The following HHAT variants were observed in gnomAD, a reference collection of about 807,000 sequenced individuals.
The protein encoded by HHAT is hedgehog acyltransferase.
A neutral mutation model predicts 70.8 loss-of-function variants in HHAT; 47 were observed. The ratio of observed to expected loss-of-function variants is 0.66; its 90% CI spans 0.53 to 0.85. The LOEUF is 0.85. Among genes scored for constraint, HHAT ranks in the 40% least tolerant of loss-of-function variants. The probability of loss-of-function intolerance (pLI) is 0.00; values close to 1 mark genes in which losing one functional copy is unlikely to be tolerated. For missense variants in HHAT, 609 were observed against 604.8 expected, an observed-to-expected ratio of 1.01 and a Z score of -0.07; for synonymous variants, 228 against 247.6, an observed-to-expected ratio of 0.92 and a Z score of 0.74.
intron 9 of HHAT, among the ~76,000 whole-genome samples, chr1:210,573,505 G>A (rs1490659761): frequency 6.6e-6 from 1 of 152,192 alleles, no homozygotes; most frequent in Admixed American, 6.5e-5. Flanking sequence ...AATACTGACA[G>A]GCCCAGCCAT....
At chr1:210,482,804 C>T (rs2094417457) in intron 8 of HHAT, among the ~76,000 whole-genome samples, 1 of 152,162 alleles carries the variant, frequency 6.6e-6, no homozygotes, top group African/African-American at 2.4e-5. Context: ...AGGTTGATAC[C>T]TCTTTAAGAT....
At chr1:210,349,674 C>T (rs2147974488) in intron 2 of HHAT, among the ~76,000 whole-genome samples, 1 of 132,004 alleles carries the variant, frequency 7.6e-6, no homozygotes, top group Non-Finnish European at 1.6e-5. Context: ...TTTTTTGAGA[C>T]CTAGTTTCGC....
At chr1:210,646,886 A>T (rs1248749511) in intron 11 of HHAT, among the ~76,000 whole-genome samples, 1 of 152,228 alleles carries the variant, frequency 6.6e-6, no homozygotes, top group African/African-American at 2.4e-5. Flanking sequence ...TAATTTGTTC[A>T]TTATTTTAAA....
chr1:210,456,871 TGTCCCTGGTACCTCTCC>T (rs957733809), intron 7 of HHAT, among the ~76,000 whole-genome samples: 1 of 152,056 alleles, frequency 6.6e-6, no homozygotes, highest in African/African-American at 2.4e-5. Context: ...TCACGTGAGG[TGTCCCTGGTACCTCTCC>T]CCCACACGCT....
intron 9 of HHAT, among the ~76,000 whole-genome samples, chr1:210,546,748 T>C (rs76576586): frequency 0.072 from 10,939 of 152,176 alleles, 729 homozygotes; most frequent in East Asian, 0.3. Flanking sequence ...GTGGTTGCAG[T>C]GACCTGGGCT....
At chr1:210,662,113 T>C (rs973200795) in intron 11 of HHAT, among the ~76,000 whole-genome samples, 1 of 152,242 alleles carries the variant, frequency 6.6e-6, no homozygotes, top group African/African-American at 2.4e-5. Context: ...CTGTCTCTGT[T>C]ATCTTTGTTG....
chr1:210,507,355 TTTTC>T (rs1432285242), intron 8 of HHAT, among the ~76,000 whole-genome samples: 19 of 145,746 alleles, frequency 1.3e-4, no homozygotes, highest in Admixed American at 5.5e-4. Context: ...CATTTTTCTT[TTTTC>T]TTTTTTTTTT....
In HHAT at chr1:210,338,183, T is replaced by TA. The variant is rs2085682249; in HGVS notation, c.-44+9079_-44+9080insA. Among the ~76,000 whole-genome samples, 7 of 99,276 alleles carry TA rather than the reference T, an allele frequency of 7.1e-5. No individual in the cohort carries two copies. The South Asian group carries it at 2.5e-3, about 36-fold the overall frequency. The allele number at this position is 99,276 out of a possible 152,430, so 65.1% of individuals were successfully genotyped here. A position where few individuals can be genotyped will look rare whatever the true frequency, so the allele number is the denominator to read the frequency against. ...GCAACATAGTGAGACCCGCCCCCAT[T>TA]TAAAAAAAAAAATGGGTGTAGTGGC... On this transcript the variant is annotated intron_variant, in intron 1 of 11. Transcript: ENST00000261458.
intron 11 of HHAT, among the ~76,000 whole-genome samples, chr1:210,630,680 C>T (rs977470005): frequency 1.3e-5 from 2 of 152,288 alleles, no homozygotes; most frequent in South Asian, 2.1e-4. Context: ...GGGCACACCC[C>T]GTATCTAAGA....
chr1:210,569,373 CAAAAAAAAAAAAAAAA>C (rs71146233), intron 9 of HHAT, among the ~76,000 whole-genome samples: 3 of 28,338 alleles, frequency 1.1e-4, no homozygotes, highest in Non-Finnish European at 1.9e-4. Context: ...GAGTCTGCCT[CAAAAAAAAAAAAAAAA>C]AAAAAAAAAA....
intron 8 of HHAT, among the ~76,000 whole-genome samples, chr1:210,483,709 G>C (rs1362302385): frequency 1.3e-5 from 2 of 152,184 alleles, no homozygotes; most frequent in Non-Finnish European, 2.9e-5. Flanking sequence ...ATTAAAGTCA[G>C]TTGTGTCCAG....
chr1:210,442,416 G>T (rs1485969400), intron 7 of HHAT, among the ~76,000 whole-genome samples: 1 of 145,712 alleles, frequency 6.9e-6, no homozygotes, highest in Non-Finnish European at 1.5e-5. Context: ...GATCCCTGAG[G>T]AATCGCCACA....
chr1:210,648,127 C>T (rs547323785), intron 11 of HHAT, among the ~76,000 whole-genome samples: 1 of 152,324 alleles, frequency 6.6e-6, no homozygotes, highest in African/African-American at 2.4e-5. Context: ...ACCCTCACCA[C>T]AGTTAAAACC....
chr1:210,373,760 A>G (rs2089795115), intron 3 of HHAT, among the ~76,000 whole-genome samples: 1 of 152,208 alleles, frequency 6.6e-6, no homozygotes, highest in Non-Finnish European at 1.5e-5. Flanking sequence ...ACCACCTTGC[A>G]TTGAATTTGT....
chr1:210,415,886 T>C (rs1252002890), intron 6 of HHAT, among the ~76,000 whole-genome samples: 1 of 152,116 alleles, frequency 6.6e-6, no homozygotes, highest in Non-Finnish European at 1.5e-5. Context: ...CTTGAACTCC[T>C]GACCTCAGGT....
chr1:210,656,407 C>A (rs1006265857), intron 11 of HHAT, among the ~76,000 whole-genome samples: 1 of 23,136 alleles, frequency 4.3e-5, no homozygotes, highest in Non-Finnish European at 3.0e-4. Flanking sequence ...GCACACATAC[C>A]CCCCCCGTCC....
chr1:210,643,874 A>AT (rs1330075183), intron 11 of HHAT, among the ~76,000 whole-genome samples: 1 of 152,210 alleles, frequency 6.6e-6, no homozygotes, highest in African/African-American at 2.4e-5. Context: ...ATATATTCAT[A>AT]TGCCAAGAAT....
intron 11 of HHAT, among the ~76,000 whole-genome samples, chr1:210,673,439 G>A (rs1307390468): frequency 6.6e-6 from 1 of 151,782 alleles, no homozygotes; most frequent in African/African-American, 2.4e-5. Context: ...AGGGGGAAAC[G>A]TACCCTGATT....
In HHAT at chr1:210,562,381, A is replaced by G. The variant is rs988771656; in HGVS notation, c.1044-25517A>G. ...TTTACCAGAAAGTCTTTTCAATCCA[A>G]TCACCAAGGGCCAAGGGGTGGGGGG... On this transcript the variant is annotated intron_variant, in intron 9 of 11. Transcript: ENST00000261458. Among the ~76,000 whole-genome samples the G allele has an allele frequency of 6.4e-5, 8 of 124,662 alleles. No individual in the cohort carries two copies. In the South Asian group the frequency reaches 1.1e-3, roughly 18 times the overall value. The allele number at this position is 124,662 out of a possible 152,430, so 81.8% of individuals were successfully genotyped here.
Sources: allele counts gnomAD v4.1 joint callset (sites outside exome capture counted in the v4.1 genomes callset), GRCh38; gene constraint gnomAD v4.1.1; transcripts MANE v1.5; gene names NCBI Gene and HGNC (gene_info 2026-07-23, HGNC 2026-07-21).